Variants in FOXP2 observed in about 807,000 individuals in gnomAD.
FOXP2 encodes the protein forkhead box protein P2.
Under a neutral mutation model 115.8 loss-of-function variants are expected in FOXP2, and 12 were observed. The ratio of observed to expected loss-of-function variants is 0.10; its 90% CI spans 0.07 to 0.17. FOXP2 has a LOEUF of 0.17. FOXP2 is among the 10% of genes least tolerant of loss of function. The probability of loss-of-function intolerance (pLI) is 1.00; values close to 1 mark genes in which losing one functional copy is unlikely to be tolerated. For synonymous variants in FOXP2, 328 were observed against 297.7 expected (o/e 1.10, Z -1.05); for missense variants, 629 against 843.5 (o/e 0.75, Z 3.15).
rs957843680 is a variant in FOXP2, at chr7:114,505,517, T to C, written c.169-29100T>C. Among the ~76,000 whole-genome samples the C allele has an allele frequency of 2.6e-5, 4 of 151,484 alleles. No individual in the cohort carries two copies. The South Asian group carries it at 8.3e-4, about 31-fold the overall frequency. ...TTATCTATCAATTTTATAAATTATT[T>C]CAGTAGTATTTAGAGATCAAATAAT... On this transcript the variant is annotated intron_variant, in intron 2 of 16. Coordinates refer to ENST00000350908, the MANE Select transcript of FOXP2 (RefSeq NM_014491.4).
intron 1 of FOXP2, among the ~76,000 whole-genome samples, chr7:114,248,264 C>A (rs1795343248): frequency 6.6e-6 from 1 of 151,820 alleles, no homozygotes; most frequent in Admixed American, 6.6e-5. Context: ...TCTATTCAGC[C>A]TTTAATGGAT....
chr7:114,160,237 C>G (rs1792793120), upstream of FOXP2, among the ~76,000 whole-genome samples: 1 of 152,058 alleles, frequency 6.6e-6, no homozygotes, highest in African/African-American at 2.4e-5. Flanking sequence ...GTTTCTATGG[C>G]TAGCCTTGGG....
chr7:114,247,235 A>T (rs1013237377), intron 1 of FOXP2, among the ~76,000 whole-genome samples: 1 of 152,160 alleles, frequency 6.6e-6, no homozygotes, highest in Admixed American at 6.5e-5. Context: ...TTATCTATGA[A>T]TATATTCCAG....
chr7:114,646,668 T>A (rs1023875045), intron 8 of FOXP2, among the ~76,000 whole-genome samples: 1 of 151,996 alleles, frequency 6.6e-6, no homozygotes, highest in Non-Finnish European at 1.5e-5. Context: ...AACTCAAAGA[T>A]CTGTGATAAA....
intron 4 of FOXP2, 57 bp from the exon 5 acceptor site, chr7:114,629,748 A>T (rs906769125): frequency 6.2e-7 from 1 of 1,611,940 alleles, no homozygotes. Flanking sequence ...AGTTTAGGAG[A>T]TTTATAATAC....
At chr7:114,388,762 CAACTT>C (rs142203016) in intron 2 of FOXP2, among the ~76,000 whole-genome samples, 10,857 of 152,126 alleles carry the variant, frequency 0.071, 403 homozygotes, top group Middle Eastern at 0.14. Flanking sequence ...TAAATTTAGA[CAACTT>C]AACAGCATAG....
intron 6 of FOXP2, among the ~76,000 whole-genome samples, chr7:114,633,376 T>C (rs1242427908): frequency 2.0e-5 from 3 of 152,176 alleles, no homozygotes; most frequent in Non-Finnish European, 4.4e-5. Context: ...TCTCTTTTCT[T>C]CTGTTTTTAT....
At chr7:114,181,277 A>AT (rs1562994733) in intron 1 of FOXP2, among the ~76,000 whole-genome samples, 10 of 146,090 alleles carry the variant, frequency 6.8e-5, no homozygotes, top group East Asian at 4.0e-4. Context: ...CTAATAAATT[A>AT]ATATATATAT....
intron 2 of FOXP2, among the ~76,000 whole-genome samples, chr7:114,312,744 C>A (rs184140505): frequency 1.1e-3 from 170 of 152,284 alleles, no homozygotes; most frequent in African/African-American, 3.9e-3. Context: ...CAGATGGATG[C>A]TGTGTATGCA....
At chr7:114,585,569 TAAA>T (rs201485322) in intron 3 of FOXP2, among the ~76,000 whole-genome samples, 3 of 138,530 alleles carry the variant, frequency 2.2e-5, no homozygotes, top group African/African-American at 2.6e-5. Context: ...ACGCTACTAT[TAAA>T]AAAAAAAAAA....
intron 1 of FOXP2, among the ~76,000 whole-genome samples, chr7:114,138,551 C>G (rs1451808024): frequency 6.6e-6 from 1 of 151,944 alleles, no homozygotes; most frequent in Non-Finnish European, 1.5e-5. Context: ...AAGACCACAC[C>G]CGGCTAATTT....
chr7:114,341,963 A>G (rs1174581569), intron 2 of FOXP2, among the ~76,000 whole-genome samples: 1 of 151,320 alleles, frequency 6.6e-6, no homozygotes, highest in Non-Finnish European at 1.5e-5. Context: ...TTAGGGTTCT[A>G]TTCCTGTCCG....
intron 1 of FOXP2, among the ~76,000 whole-genome samples, chr7:114,237,641 C>G (rs1795045098): frequency 6.6e-6 from 1 of 151,728 alleles, no homozygotes; most frequent in Non-Finnish European, 1.5e-5. Flanking sequence ...TCATTCTTTC[C>G]TTGCTTTTTT....
rs561531757 is a variant in FOXP2 at position 114,095,455 on chromosome 7, G to GTT, written c.-247+7627_-247+7628dup. On this transcript the variant is annotated intron_variant, in intron 1 of 19. Transcript: ENST00000635638. ...AAGGGCTGAGTTAAATTTTTAAAGGGTTTTTTTTTTTCAGCTGTCTTATCC... is the reference window on the plus strand; with the variant it reads ...AAGGGCTGAGTTAAATTTTTAAAGGGTTTTTTTTTTTTTCAGCTGTCTTATCC... 3.9e-3 allele frequency among the ~76,000 whole-genome samples: 576 copies of GTT among 146,438 alleles called. 6 individuals are homozygous for GTT. Among genetic ancestry groups the GTT allele is most frequent in the African/African-American group, 0.013 (545 of 40,384 alleles).
chr7:114,109,997 TAAC>T (rs1396674455), intron 1 of FOXP2, among the ~76,000 whole-genome samples: 2 of 152,136 alleles, frequency 1.3e-5, no homozygotes, highest in African/African-American at 4.8e-5. Flanking sequence ...TGGCCTAATT[TAAC>T]AACAACAAAA....
intron 4 of FOXP2, chr7:114,629,578 A>G: frequency 6.5e-7 from 1 of 1,539,586 alleles, no homozygotes; most frequent in Non-Finnish European, 8.7e-7. Context: ...GACTTTCTAT[A>G]CCCTTTTGTT....
chr7:114,360,806 G>T (rs1038776503), intron 2 of FOXP2, among the ~76,000 whole-genome samples: 3 of 152,128 alleles, frequency 2.0e-5, no homozygotes, highest in Non-Finnish European at 4.4e-5. Context: ...AATATAGTCA[G>T]CTTTCAATTA....
At chr7:114,284,796 G>A (rs908094318) in intron 1 of FOXP2, among the ~76,000 whole-genome samples, 1 of 152,112 alleles carries the variant, frequency 6.6e-6, no homozygotes, top group Admixed American at 6.6e-5. Flanking sequence ...AGCAAAACAT[G>A]GAGTCAACCT....
At chr7:114,571,471 T>C (rs987437428) in intron 3 of FOXP2, among the ~76,000 whole-genome samples, 2 of 151,848 alleles carry the variant, frequency 1.3e-5, no homozygotes, top group Non-Finnish European at 2.9e-5. Context: ...CTATTGAGCA[T>C]AGATTCTACC....
Sources: gnomAD v4.1 joint callset for allele counts (sites outside exome capture counted in the v4.1 genomes callset) on GRCh38, gnomAD v4.1.1 for gene constraint, MANE v1.5 for transcripts, NCBI Gene and HGNC (gene_info 2026-07-23, HGNC 2026-07-21) for gene names.